Variants in WDR75 observed in about 807,000 individuals in gnomAD.
The protein encoded by WDR75 is WD repeat domain 75, also known as WD repeat-containing protein 75.
Under a neutral mutation model 106.1 loss-of-function variants are expected in WDR75, and 52 were observed. The ratio of observed to expected loss-of-function variants is 0.49; its 90% CI spans 0.39 to 0.62. The LOEUF (loss-of-function observed/expected upper bound fraction) is 0.62. Ranked by LOEUF, WDR75 falls within the 20% of genes least tolerant of loss-of-function variation. The pLI is 0.00. For synonymous variants in WDR75, 333 were observed against 335.5 expected (o/e 0.99, Z 0.08); for missense variants, 905 against 970.3 (o/e 0.93, Z 0.89).
At chr2:189,463,437 C>CGAAGGTGAAG (rs1686940444) in intron 9 of WDR75, among the ~76,000 whole-genome samples, 1 of 152,116 alleles carries the variant, frequency 6.6e-6, no homozygotes, top group African/African-American at 2.4e-5. Flanking sequence ...GTGACTCCTT[C>CGAAGGTGAAG]ACCTTGAAGC....
chr2:189,471,507 A>G lies in WDR75; in HGVS notation c.2049+629A>G, dbSNP rs1193157059. 3.9e-5 allele frequency among the ~76,000 whole-genome samples: 6 copies of G among 152,308 alleles called. No homozygotes were observed. The East Asian group carries it at 1.2e-3, about 29-fold the overall frequency. On this transcript the variant is annotated intron_variant, in intron 18 of 20. Transcript: ENST00000314761. ...GTGACCAAGTTTTTATTTTCTGTGG[A>G]GTTAATGATTGCCTTGTTTTTTCAT...
intron 1 of WDR75, 79 bp from the exon 2 acceptor site, chr2:189,448,300 A>G (rs542965446): frequency 1.4e-6 from 2 of 1,429,564 alleles, no homozygotes; most frequent in South Asian, 3.0e-5. Flanking sequence ...TGAAACAATG[A>G]TGAAAAATGT....
At chr2:189,447,215 A>T (rs1260287309) in intron 1 of WDR75, among the ~76,000 whole-genome samples, 1 of 152,248 alleles carries the variant, frequency 6.6e-6, no homozygotes, top group Non-Finnish European at 1.5e-5. Flanking sequence ...TACTTGGAAG[A>T]TACAAGAAGA....
intron 2 of WDR75, 150 bp from the exon 3 acceptor site, chr2:189,450,753 A>C: frequency 7.0e-7 from 1 of 1,432,306 alleles, no homozygotes. Flanking sequence ...ATTGTTTTGC[A>C]GAAGCAATAT....
chr2:189,474,843 C>T, intron 20 of WDR75, 35 bp downstream of exon 20: 1 of 1,526,780 alleles, frequency 6.5e-7, no homozygotes, highest in Admixed American at 1.7e-5. Flanking sequence ...TGGACACTCT[C>T]TTTTGGGAAA....
chr2:189,442,392 T>C (rs1031427712), intron 1 of WDR75, among the ~76,000 whole-genome samples: 1 of 150,490 alleles, frequency 6.6e-6, no homozygotes, highest in Non-Finnish European at 1.5e-5. Flanking sequence ...CTTTCTGCCT[T>C]AGAAGAGTAG....
chr2:189,473,391 G>A (rs1361912913), intron 18 of WDR75, among the ~76,000 whole-genome samples: 5 of 152,090 alleles, frequency 3.3e-5, no homozygotes, highest in African/African-American at 7.2e-5. Context: ...CGTGTTATTC[G>A]AACCCTTGTT....
At chr2:189,453,993 G>A (rs72916208) in intron 4 of WDR75, among the ~76,000 whole-genome samples, 1 of 152,130 alleles carries the variant, frequency 6.6e-6, no homozygotes, top group South Asian at 2.1e-4. Context: ...AGCACCCACC[G>A]TGTGCTAAAT....
chr2:189,453,820 T>C (rs1686676688), intron 4 of WDR75, among the ~76,000 whole-genome samples: 1 of 152,206 alleles, frequency 6.6e-6, no homozygotes, highest in Non-Finnish European at 1.5e-5. Flanking sequence ...TTTTGTGTTA[T>C]CTATGTTCCA....
chr2:189,448,439 T>C lies in WDR75; in HGVS notation c.147T>C (p.Cys49=), dbSNP rs779150834. The change falls in exon 2 of 21, where the codon TGT becomes TGC. Residue 49 remains cysteine (C), a synonymous_variant. Coordinates refer to ENST00000314761, the MANE Select transcript of WDR75 (RefSeq NM_032168.3). ...VKVYSTVTEE[C]VHILHGHRNL... ...TTTACAGCACAGTTACAGAAGAGTG[T>C]GTACACATACTGCATGGACACAGAA... 1.9e-6 allele frequency: 3 copies of C among 1,614,072 alleles called. No individual in the cohort carries two copies. The highest frequency in any genetic ancestry group is 2.5e-6 in the Non-Finnish European group (3 of 1,179,914).
Position 189,475,319 on chromosome 2 carries a change from G to A in WDR75, c.2395G>A (p.Gly799Ser). 1 of 1,612,474 alleles carries A rather than the reference G, an allele frequency of 6.2e-7. No individual in the cohort carries two copies. Among genetic ancestry groups the A allele is most frequent in the Non-Finnish European group, 8.5e-7 (1 of 1,178,952 alleles). ...TEKVQDTSNT[G>S]LGEDIIHQLS... Reference sequence around the variant, plus strand: ...AAAAGTCCAGGATACAAGTAACACAGGTTTAGGAGAAGACATTATACATCA... The same window carrying A: ...AAAAGTCCAGGATACAAGTAACACAAGTTTAGGAGAAGACATTATACATCA... The change falls in exon 21 of 21, where the codon GGT (glycine) becomes AGT (serine). Residue 799 changes from glycine (G) to serine (S), a missense_variant. Physicochemically the swap from Gly to Ser is moderately conservative, Grantham distance 56 (BLOSUM62 0). Transcript: ENST00000314761.
chr2:189,472,701 A>T (rs1687140774), intron 18 of WDR75, among the ~76,000 whole-genome samples: 1 of 152,224 alleles, frequency 6.6e-6, no homozygotes, highest in Non-Finnish European at 1.5e-5. Flanking sequence ...CTGCCTGTGC[A>T]GAACTTATCC....
rs780896036 is a variant in WDR75 at position 189,462,466 on chromosome 2, C to T, written c.779-18C>T. The T allele has an allele frequency of 3.4e-5, 54 of 1,605,810 alleles. No individual in the cohort carries two copies. The highest frequency in any genetic ancestry group is 2.7e-5 in the African/African-American group (2 of 74,522). ...CCTCAAAACACCATCCTTTTAATTT[C>T]CTTGAATGGATATGAAGGCACCAGT... On this transcript the variant is annotated intron_variant, in intron 8 of 20. Transcript: ENST00000314761.
intron 1 of WDR75, 145 bp downstream of exon 1, chr2:189,441,723 C>T (rs1686370439): frequency 2.2e-6 from 2 of 922,646 alleles, no homozygotes; most frequent in Non-Finnish European, 3.3e-6. Flanking sequence ...GGGGGATCCC[C>T]AGGGTACCTG....
intron 8 of WDR75, among the ~76,000 whole-genome samples, chr2:189,460,186 G>A (rs1686847819): frequency 6.6e-6 from 1 of 152,164 alleles, no homozygotes; most frequent in African/African-American, 2.4e-5. Flanking sequence ...CTACATACTA[G>A]AGAAGATTGT....
chr2:189,446,144 G>A (rs1313645005), intron 1 of WDR75, among the ~76,000 whole-genome samples: 1 of 152,196 alleles, frequency 6.6e-6, no homozygotes, highest in African/African-American at 2.4e-5. Flanking sequence ...TATTTTAATA[G>A]AGCACAGTGT....
At chr2:189,452,018 G>A in intron 4 of WDR75, 123 bp downstream of exon 4, 1 of 685,790 alleles carries the variant, frequency 1.5e-6, no homozygotes. Context: ...CATTTAAATT[G>A]CTTTTGTCAT....
chr2:189,470,385 C>T, intron 17 of WDR75, 140 bp downstream of exon 17: 2 of 832,972 alleles, frequency 2.4e-6, no homozygotes, highest in Non-Finnish European at 3.7e-6. Flanking sequence ...CTAATATGCT[C>T]AGTACAGCAG....
chr2:189,466,784 T>C (rs1687010450), intron 13 of WDR75, among the ~76,000 whole-genome samples: 1 of 152,172 alleles, frequency 6.6e-6, no homozygotes, highest in South Asian at 2.1e-4. Context: ...GCATTCTTGA[T>C]TAATCATGTG....
Sources: gnomAD v4.1 joint callset for allele counts (sites outside exome capture counted in the v4.1 genomes callset) on GRCh38, gnomAD v4.1.1 for gene constraint, MANE v1.5 for transcripts, NCBI Gene and HGNC (gene_info 2026-07-23, HGNC 2026-07-21) for gene names.